The following TRERF1 variants were observed in gnomAD, a reference collection of about 807,000 sequenced individuals.
The protein encoded by TRERF1 is transcriptional regulating factor 1.
In TRERF1, 27 loss-of-function variants were observed where a neutral mutation model predicts 122.9. The ratio of observed to expected loss-of-function variants is 0.22; its 90% CI spans 0.16 to 0.30. The LOEUF (loss-of-function observed/expected upper bound fraction) is 0.30, where lower values mean the gene tolerates loss of function less well. TRERF1 is among the 10% of genes least tolerant of loss of function. The pLI is 1.00. For missense variants in TRERF1, 1,248 were observed against 1,560.3 expected (o/e 0.80, Z 3.37); for synonymous variants, 636 against 641.7 (o/e 0.99, Z 0.13).
chr6:42,266,746 T>C (rs1779271839), intron 5 of TRERF1, among the ~76,000 whole-genome samples: 1 of 152,238 alleles, frequency 6.6e-6, no homozygotes, highest in African/African-American at 2.4e-5. Flanking sequence ...CATAGTAGGC[T>C]GTTTTCTGGT....
chr6:42,307,420 A>T (rs1787458078), intron 3 of TRERF1, among the ~76,000 whole-genome samples: 1 of 152,188 alleles, frequency 6.6e-6, no homozygotes, highest in Non-Finnish European at 1.5e-5. Context: ...TTAATTTTTA[A>T]TTAAAACAGG....
intron 2 of TRERF1, among the ~76,000 whole-genome samples, chr6:42,373,316 T>G (rs2151058802): frequency 6.6e-6 from 1 of 151,754 alleles, no homozygotes; most frequent in Admixed American, 6.6e-5. Flanking sequence ...GTGGATCACC[T>G]GAGGTGGGGA....
chr6:42,367,000 T>C (rs1772863462), intron 2 of TRERF1, among the ~76,000 whole-genome samples: 1 of 152,144 alleles, frequency 6.6e-6, no homozygotes, highest in Non-Finnish European at 1.5e-5. Flanking sequence ...CAAAGGGGCA[T>C]TGTACTCCTC....
chr6:42,419,738 G>A (rs1018456712), intron 2 of TRERF1, among the ~76,000 whole-genome samples: 1 of 152,194 alleles, frequency 6.6e-6, no homozygotes, highest in African/African-American at 2.4e-5. Context: ...CCATGGTGGG[G>A]ATTAGGTCAT....
chr6:42,437,417 G>A (rs1382597345), intron 2 of TRERF1, among the ~76,000 whole-genome samples: 3 of 152,130 alleles, frequency 2.0e-5, no homozygotes, highest in Non-Finnish European at 4.4e-5. Flanking sequence ...GAAGAGTAAA[G>A]AATATGGCTT....
chr6:42,416,451 G>A (rs1781850962), intron 2 of TRERF1, among the ~76,000 whole-genome samples: 1 of 152,114 alleles, frequency 6.6e-6, no homozygotes, highest in Non-Finnish European at 1.5e-5. Context: ...AACCTTTTCA[G>A]CATCTTATTT....
Position 42,432,842 on chromosome 6 carries a change from CAAA to C in TRERF1, c.-454+18332_-454+18334del, listed in dbSNP as rs10557615. On this transcript the variant is annotated intron_variant, in intron 2 of 17. Coordinates refer to ENST00000372922, the Ensembl canonical transcript of TRERF1. ...TGGGAGACAAAGTGAGACTCTGTCT[CAAA>C]AAAAAAAAAAAAAAAAGTCACCTAA... Among the ~76,000 whole-genome samples, 37 of 110,350 alleles carry C rather than the reference CAAA, an allele frequency of 3.4e-4. 1 individual carries two copies. Among genetic ancestry groups the C allele is most frequent in the Middle Eastern group, 4.3e-3 (1 of 232 alleles). The allele number at this position is 110,350 out of a possible 152,430, so 72.4% of individuals were successfully genotyped here.
intron 10 of TRERF1, among the ~76,000 whole-genome samples, chr6:42,257,570 C>T (rs1019082677): frequency 3.3e-5 from 5 of 152,146 alleles, no homozygotes; most frequent in Admixed American, 3.3e-4. Flanking sequence ...TCAACTAAAC[C>T]CTACAAAGGT....
intron 2 of TRERF1, among the ~76,000 whole-genome samples, chr6:42,444,340 T>C (rs1240005594): frequency 6.6e-6 from 1 of 152,146 alleles, no homozygotes; most frequent in Non-Finnish European, 1.5e-5. Flanking sequence ...CTGAAGACTC[T>C]TTTCTCCAAG....
intron 3 of TRERF1, among the ~76,000 whole-genome samples, chr6:42,304,648 G>C (rs1786836838): frequency 6.6e-6 from 1 of 152,186 alleles, no homozygotes; most frequent in East Asian, 1.9e-4. Context: ...CCCAACCACT[G>C]TGCTGAGAGA....
chr6:42,440,772 C>T (rs1291446309), intron 2 of TRERF1, among the ~76,000 whole-genome samples: 1 of 151,918 alleles, frequency 6.6e-6, no homozygotes, highest in Non-Finnish European at 1.5e-5. Flanking sequence ...AGGAAGGAGC[C>T]CACAAAATCC....
chr6:42,233,508 A>C (rs907877799), intron 16 of TRERF1, among the ~76,000 whole-genome samples: 4 of 151,866 alleles, frequency 2.6e-5, no homozygotes, highest in East Asian at 1.9e-4. Flanking sequence ...GATGGTCTCG[A>C]TCTCCTGACC....
intron 2 of TRERF1, among the ~76,000 whole-genome samples, chr6:42,372,695 T>C (rs370222310): frequency 5.9e-5 from 9 of 152,070 alleles, no homozygotes; most frequent in African/African-American, 2.2e-4. Context: ...CACTGATGCC[T>C]AATAGAGAGA....
chr6:42,372,967 G>C (rs1169134223), intron 2 of TRERF1, among the ~76,000 whole-genome samples: 1 of 152,176 alleles, frequency 6.6e-6, no homozygotes, highest in Non-Finnish European at 1.5e-5. Flanking sequence ...CTGAGCAACT[G>C]GGTAGCTTGC....
intron 2 of TRERF1, among the ~76,000 whole-genome samples, chr6:42,422,297 A>G (rs932658192): frequency 1.3e-5 from 2 of 152,048 alleles, no homozygotes; most frequent in African/African-American, 4.8e-5. Flanking sequence ...AGGCAGGCAG[A>G]TTGCTTGAGC....
At chr6:42,250,992 C>CTTT (rs70987586) in intron 13 of TRERF1, among the ~76,000 whole-genome samples, 1,834 of 97,524 alleles carry the variant, frequency 0.019, 4 homozygotes, top group Middle Eastern at 0.028. Context: ...TCTTTTGCTT[C>CTTT]TTTTTTTTTT....
chr6:42,251,376 T>C (rs1203509180), intron 13 of TRERF1, among the ~76,000 whole-genome samples: 1 of 152,174 alleles, frequency 6.6e-6, no homozygotes, highest in Non-Finnish European at 1.5e-5. Flanking sequence ...CAAATTTTCA[T>C]TTCCACACAG....
intron 2 of TRERF1, among the ~76,000 whole-genome samples, chr6:42,447,476 T>C (rs900010399): frequency 1.3e-5 from 2 of 152,248 alleles, no homozygotes; most frequent in South Asian, 4.1e-4. Flanking sequence ...TATTCGTTAG[T>C]TCTCCTTTAT....
intron 2 of TRERF1, among the ~76,000 whole-genome samples, chr6:42,409,490 G>A (rs192794296): frequency 6.4e-4 from 97 of 152,222 alleles, no homozygotes; most frequent in Admixed American, 2.4e-3. Flanking sequence ...TAATTATCAT[G>A]TTCTTGCATT....
Sources: allele counts gnomAD v4.1 joint callset (sites outside exome capture counted in the v4.1 genomes callset), GRCh38; gene constraint gnomAD v4.1.1; transcripts MANE v1.5; gene names NCBI Gene and HGNC (gene_info 2026-07-23, HGNC 2026-07-21).